Variants in IGFN1 observed in about 807,000 individuals in gnomAD.
The protein encoded by IGFN1 is immunoglobulin-like and fibronectin type III domain-containing protein 1.
A neutral mutation model predicts 289.5 loss-of-function variants in IGFN1; 253 were observed. The ratio of observed to expected loss-of-function variants is 0.87; its 90% CI spans 0.79 to 0.97. IGFN1 has a LOEUF of 0.97. Ranked by LOEUF, IGFN1 falls within the 50% of genes least tolerant of loss-of-function variation. The probability of loss-of-function intolerance (pLI) is 0.00; values close to 1 mark genes in which losing one functional copy is unlikely to be tolerated. For synonymous variants in IGFN1, 1,706 were observed against 1,788.5 expected (o/e 0.95, Z 1.16); for missense variants, 4,470 against 4,686.1 (o/e 0.95, Z 1.35).
chr1:201,216,481 T>A lies in IGFN1; in HGVS notation c.9323T>A (p.Met3108Lys). ...AAGCCTGATCCCCCACAAGGCCCCA[T>A]GGAGGTTCAGGATTGCCATAGGGCT... ...IDKPDPPQGP[M>K]EVQDCHRAGV... is the part of the protein sequence containing the mutation. The change falls in exon 16 of 24, where the codon ATG (methionine) becomes AAG (lysine). Residue 3108 changes from methionine to lysine, a missense_variant. Met to Lys is a moderately conservative substitution (Grantham distance 95). Coordinates refer to ENST00000335211, the MANE Select transcript of IGFN1 (RefSeq NM_001164586.2). 6.3e-7 allele frequency: 1 copy of A among 1,593,152 alleles called. No homozygotes were observed. The highest frequency in any genetic ancestry group is 2.2e-5 in the East Asian group (1 of 44,564).
At chr1:201,214,145 C>T (rs748320691) in intron 12 of IGFN1, 32 bp from the exon 13 acceptor site, 51 of 1,574,704 alleles carry the variant, frequency 3.2e-5, no homozygotes, top group South Asian at 1.1e-4. Context: ...CTGGGGCGCT[C>T]GGCCCTGGGG....
intron 18 of IGFN1, among the ~76,000 whole-genome samples, chr1:201,219,987 TG>T (rs1653611666): frequency 1.3e-5 from 2 of 151,914 alleles, no homozygotes; most frequent in South Asian, 2.1e-4. Flanking sequence ...TTTTTCTGTC[TG>T]TCTGTCATTC....
At chr1:201,199,547 C>T in intron 6 of IGFN1, 62 bp from the exon 7 acceptor site, 3 of 1,493,414 alleles carry the variant, frequency 2.0e-6, no homozygotes, top group Non-Finnish European at 2.7e-6. Context: ...CACAGAAAAG[C>T]TCTGCATCAA....
rs1166951731 is a variant in IGFN1 at position 201,206,923 on chromosome 1, A to G, written c.2030A>G (p.Glu677Gly). The G allele has an allele frequency of 3.9e-6, 6 of 1,536,182 alleles. No individual in the cohort carries two copies. The Admixed American group carries it at 9.8e-5, about 25-fold the overall frequency. The change falls in exon 12 of 24, where the codon GAG becomes GGG. Residue 677 changes from glutamate (E) to glycine (G), a missense_variant. By Grantham distance (98) the Glu-to-Gly change is moderately conservative (BLOSUM62 -2). Coordinates refer to ENST00000335211, the MANE Select transcript of IGFN1 (RefSeq NM_001164586.2). ...SNGAGGPGTL[E>G]LTGGRGSGSK... is the part of the protein sequence containing the mutation. ...GGGGCAGGAGGTCCTGGCACCCTGG[A>G]GCTTACTGGAGGAAGAGGTTCTGGC...
At chr1:201,222,941 TG>T in intron 20 of IGFN1, 114 bp downstream of exon 20, 1 of 606,476 alleles carries the variant, frequency 1.6e-6, no homozygotes, top group Non-Finnish European at 2.9e-6. Context: ...AGTCAGTGCT[TG>T]TGGAAATCAC....
At chr1:201,224,945 G>T in intron 21 of IGFN1, 71 bp downstream of exon 21, 1 of 1,182,192 alleles carries the variant, frequency 8.5e-7, no homozygotes, top group Non-Finnish European at 1.2e-6. Context: ...GTGTCCACTG[G>T]TCTGATCATA....
rs1257888416 is a variant in IGFN1, at chr1:201,212,442, G to T, written c.7549G>T (p.Asp2517Tyr). ...TCCCAGGGTGAAGGATAGGTCTCCA[G>T]ACCAAGCAGGGATAATGGGGGCTTC... Reference protein sequence around the residue: ...GAPRVKDRSPDQAGIMGASGF... With the variant: ...GAPRVKDRSPYQAGIMGASGF... Residue 2517 changes from aspartate to tyrosine, a missense_variant, in exon 12 of 24, where the codon GAC (aspartate) becomes TAC (tyrosine). Asp to Tyr is a radical substitution (Grantham distance 160, BLOSUM62 -3). This residue lies in a region of IGFN1 where 2,218 missense variants were observed against 2,114.1 expected (regional missense o/e 1.05). Coordinates refer to ENST00000335211, the MANE Select transcript of IGFN1 (RefSeq NM_001164586.2). 2 of 1,537,466 alleles carry T rather than the reference G, an allele frequency of 1.3e-6. No homozygotes were observed. Among genetic ancestry groups the T allele is most frequent in the Non-Finnish European group, 1.7e-6 (2 of 1,146,800 alleles).
At position 201,206,113 on chromosome 1, in the gene IGFN1, G is replaced by A; in HGVS notation, c.1220G>A (p.Ser407Asn). Residue 407 changes from serine to asparagine, a missense_variant, in exon 12 of 24, where the codon AGT (serine) becomes AAT (asparagine). By Grantham distance (46) the Ser-to-Asn change is conservative. Coordinates refer to ENST00000335211, the MANE Select transcript of IGFN1 (RefSeq NM_001164586.2). The part of the protein sequence containing the change: ...AGKDKDLQST[S>N]ADHKLQRQGA... ...AAGGATAAAGACCTTCAGTCCACAA[G>A]TGCTGACCACAAACTGCAGAGGCAA... 6.4e-7 allele frequency: 1 copy of A among 1,550,828 alleles called. No homozygotes were observed. The highest frequency in any genetic ancestry group is 8.7e-7 in the Non-Finnish European group (1 of 1,146,910).
intron 11 of IGFN1, among the ~76,000 whole-genome samples, 192 bp from the exon 12 acceptor site, chr1:201,205,891 C>A (rs1667393539): frequency 6.6e-6 from 1 of 152,180 alleles, no homozygotes; most frequent in Non-Finnish European, 1.5e-5. Context: ...TGATGGGATT[C>A]ACCCATCCAT....
chr1:201,227,824 A>T (rs1334017843), intron 23 of IGFN1, among the ~76,000 whole-genome samples: 1 of 152,204 alleles, frequency 6.6e-6, no homozygotes, highest in Non-Finnish European at 1.5e-5. Flanking sequence ...CAGTGGGGCC[A>T]CGCTACACAT....
intron 18 of IGFN1, 54 bp from the exon 19 acceptor site, chr1:201,221,390 T>G: frequency 7.4e-7 from 1 of 1,351,896 alleles, no homozygotes; most frequent in Non-Finnish European, 1.0e-6. Flanking sequence ...ATATCCACAC[T>G]GAGTGGCCTC....
At chr1:201,198,756 G>C (rs1352539879) in intron 5 of IGFN1, among the ~76,000 whole-genome samples, 1 of 152,148 alleles carries the variant, frequency 6.6e-6, no homozygotes, top group Non-Finnish European at 1.5e-5. Context: ...GGAAGCAAAG[G>C]CTTTCTCAGA....
chr1:201,219,982 C>T (rs200078835), intron 18 of IGFN1, among the ~76,000 whole-genome samples: 1 of 75,834 alleles, frequency 1.3e-5, no homozygotes, highest in East Asian at 5.3e-4. Flanking sequence ...TTTCTTTTTT[C>T]TGTCTGTCTG....
At chr1:201,217,196 C>T in intron 16 of IGFN1, 91 bp from the exon 17 acceptor site, 2 of 1,168,514 alleles carry the variant, frequency 1.7e-6, no homozygotes, top group Non-Finnish European at 2.5e-6. Flanking sequence ...GTGGCCTGTC[C>T]CAGATGCCTG....
intron 3 of IGFN1, 100 bp from the exon 4 acceptor site, chr1:201,195,739 T>C: frequency 7.8e-7 from 1 of 1,288,358 alleles, no homozygotes; most frequent in Non-Finnish European, 1.0e-6. Context: ...GCAGTTGAAA[T>C]ACCTAGATGA....
In IGFN1 at chr1:201,211,580, G is replaced by A. The variant is rs1292147334; in HGVS notation, c.6687G>A (p.Lys2229=). Residue 2229 remains lysine (K), a synonymous_variant, in exon 12 of 24, where the codon AAG becomes AAA. Transcript: ENST00000335211. ...GAPKGMGSGS[K]AGFRDGLGSS... is the part of the protein sequence containing the mutation. The stretch of plus-strand genomic sequence containing the variant: ...CTAAGGGAATGGGTTCAGGGAGTAA[G>A]GCAGGTTTCAGGGATGGTTTAGGGA... 4 of 1,534,564 alleles carry A rather than the reference G, an allele frequency of 2.6e-6. No homozygotes were observed. The highest frequency in any genetic ancestry group is 1.2e-5 in the South Asian group (1 of 83,816).
chr1:201,195,625 A>T (rs974200395), intron 3 of IGFN1, among the ~76,000 whole-genome samples: 1 of 152,188 alleles, frequency 6.6e-6, no homozygotes, highest in Non-Finnish European at 1.5e-5. Flanking sequence ...CAATATAGAA[A>T]GAGGAAGCAC....
rs965128938 is a variant in IGFN1 at position 201,212,713 on chromosome 1, G to A, written c.7820G>A (p.Gly2607Glu). 1.4e-5 allele frequency: 21 copies of A among 1,550,524 alleles called. No homozygotes were observed. Among genetic ancestry groups the A allele is most frequent in the Non-Finnish European group, 1.6e-5 (18 of 1,146,440 alleles). Reference sequence around the variant, plus strand: ...CTGGACAGCGGCTCTATGCCTGGGGGAAGGGGCAAGTCAACATCAGGGCCT... The same window carrying A: ...CTGGACAGCGGCTCTATGCCTGGGGAAAGGGGCAAGTCAACATCAGGGCCT... ...QDLDSGSMPG[G>E]RGKSTSGPAD... The change falls in exon 12 of 24, where the codon GGA (glycine) becomes GAA (glutamate). Residue 2607 changes from glycine (G) to glutamate (E), a missense_variant. Physicochemically the swap from Gly to Glu is moderately conservative, Grantham distance 98. Transcript: ENST00000335211.
In IGFN1 at chr1:201,200,412, G is replaced by A; in HGVS notation, c.633+1G>A. On this transcript the variant is annotated splice_donor_variant, in intron 8 of 23. Transcript: ENST00000335211. LOFTEE classifies it high-confidence loss of function. ...GGAACAGGAGGACAAGATGGCACAG[G>A]TGCCTCACCCCATTCCCACCCCTCA... is the stretch of plus-strand genomic sequence containing the variant. 6.4e-7 allele frequency: 1 copy of A among 1,551,050 alleles called. No individual in the cohort carries two copies. The highest frequency in any genetic ancestry group is 8.7e-7 in the Non-Finnish European group (1 of 1,146,610).
Sources: gnomAD v4.1 joint callset for allele counts (sites outside exome capture counted in the v4.1 genomes callset) on GRCh38, gnomAD v4.1.1 for gene constraint, gnomAD v4.1.1 regional missense constraint, MANE v1.5 for transcripts, NCBI Gene and HGNC (gene_info 2026-07-23, HGNC 2026-07-21) for gene names.